The following SIM1 variants were observed in gnomAD, a reference collection of about 807,000 sequenced individuals.
SIM1 encodes the protein single-minded homolog 1.
In SIM1, 18 loss-of-function variants were observed where a neutral mutation model predicts 78.2. That is an observed-to-expected ratio of 0.23 (90% CI 0.16 to 0.34). The LOEUF (loss-of-function observed/expected upper bound fraction) is 0.34, where lower values mean the gene tolerates loss of function less well. SIM1 is among the 10% of genes least tolerant of loss of function. The pLI is 1.00. For synonymous variants in SIM1, 417 were observed against 385.2 expected (o/e 1.08, Z -0.97); for missense variants, 939 against 975.1 (o/e 0.96, Z 0.49).
chr6:100,392,008 A>G (rs1770654273), intron 11 of SIM1, among the ~76,000 whole-genome samples: 1 of 152,116 alleles, frequency 6.6e-6, no homozygotes, highest in Non-Finnish European at 1.5e-5. Context: ...CCCCGTCTCT[A>G]CTAAAAAATA....
chr6:100,387,661 C>T lies in SIM1; in HGVS notation c.*2700G>A, dbSNP rs931343599. On this transcript the variant is annotated 3_prime_UTR_variant, in exon 12 of 12. Coordinates refer to ENST00000369208, the MANE Select transcript of SIM1 (RefSeq NM_005068.3). ...ATGTACTTAAAACTGGGTCAATCTA[C>T]CAAAATTTTGAATCAATATATAATT... 1 of 151,984 alleles carries T rather than the reference C, an allele frequency of 6.6e-6. No individual in the cohort carries two copies. Among genetic ancestry groups the T allele is most frequent in the African/African-American group, 2.4e-5 (1 of 41,420 alleles). 9.4% of individuals were successfully genotyped at this position (151,984 alleles called of 1,614,324 possible).
At chr6:100,447,992 G>A (rs571830579) in intron 8 of SIM1, among the ~76,000 whole-genome samples, 154 bp downstream of exon 8, 3 of 152,298 alleles carry the variant, frequency 2.0e-5, no homozygotes, top group East Asian at 1.9e-4. Context: ...GCCCAGTGTC[G>A]GAGAAGTCCC....
At chr6:100,441,646 A>G (rs995623794) in intron 9 of SIM1, among the ~76,000 whole-genome samples, 5 of 152,244 alleles carry the variant, frequency 3.3e-5, no homozygotes, top group African/African-American at 9.6e-5. Flanking sequence ...GTAAACAACT[A>G]AAATGTTTGC....
chr6:100,448,670 G>A lies in SIM1; in HGVS notation c.552C>T (p.His184=), dbSNP rs771505130. Residue 184 remains histidine (H), a synonymous_variant, in exon 7 of 12, where the codon CAC becomes CAT. Coordinates refer to ENST00000369208, the MANE Select transcript of SIM1 (RefSeq NM_005068.3). ...GLTCGGYKVI[H]CSGYLKIRQY... is the part of the protein sequence containing the mutation. ...GGCGGATCTTCAAGTAGCCGCTGCA[G>A]TGGATGACCTGAGGCAGAGGGATAG... The A allele has an allele frequency of 6.2e-7, 1 of 1,610,828 alleles. No homozygotes were observed. Among genetic ancestry groups the A allele is most frequent in the Admixed American group, 1.7e-5 (1 of 60,024 alleles).
chr6:100,435,116 G>A (rs1326325821), intron 9 of SIM1, among the ~76,000 whole-genome samples: 1 of 152,074 alleles, frequency 6.6e-6, no homozygotes, highest in African/African-American at 2.4e-5. Flanking sequence ...TCAGGATATC[G>A]ACTGGCAATT....
chr6:100,456,864 C>T (rs1283268276), intron 2 of SIM1, among the ~76,000 whole-genome samples: 1 of 152,186 alleles, frequency 6.6e-6, no homozygotes, highest in African/African-American at 2.4e-5. Flanking sequence ...CAAGGATTAC[C>T]TCAATGGACT....
At chr6:100,445,676 C>T (rs1463839214) in intron 9 of SIM1, among the ~76,000 whole-genome samples, 1 of 152,042 alleles carries the variant, frequency 6.6e-6, no homozygotes, top group Non-Finnish European at 1.5e-5. Context: ...TGACTATATA[C>T]CCTGCTGTTT....
intron 10 of SIM1, among the ~76,000 whole-genome samples, chr6:100,409,692 G>T (rs1771144141): frequency 6.6e-6 from 1 of 151,818 alleles, no homozygotes; most frequent in Admixed American, 6.6e-5. Flanking sequence ...TATTAAAACT[G>T]CTTTTGCTGC....
At chr6:100,453,682 T>C (rs1772572365) in intron 3 of SIM1, 80 bp downstream of exon 3, 15 of 1,037,964 alleles carry the variant, frequency 1.4e-5, no homozygotes, top group Non-Finnish European at 2.1e-5. Context: ...TTTTGTTTTC[T>C]GAGAAACTAA....
chr6:100,408,601 G>C (rs1010653003), intron 10 of SIM1, among the ~76,000 whole-genome samples: 1 of 151,882 alleles, frequency 6.6e-6, no homozygotes, highest in Non-Finnish European at 1.5e-5. Context: ...ATACTAATTT[G>C]TTGAGAGTTT....
intron 9 of SIM1, among the ~76,000 whole-genome samples, chr6:100,441,053 G>T (rs1202286593): frequency 6.6e-6 from 1 of 152,148 alleles, no homozygotes; most frequent in African/African-American, 2.4e-5. Flanking sequence ...GTGAGTCAAA[G>T]ATCAAAACCC....
chr6:100,385,669 ATGTGTGTGTGTGTGTGTG>A lies in SIM1; in HGVS notation c.*4674_*4691del, dbSNP rs57211422. The A allele has an allele frequency of 7.0e-6, 1 of 143,322 alleles. No homozygotes were observed. The highest frequency in any genetic ancestry group is 1.5e-5 in the Non-Finnish European group (1 of 66,046). The allele number at this position is 143,322 out of a possible 1,614,324, so 8.9% of individuals were successfully genotyped here. A position where few individuals can be genotyped will look rare whatever the true frequency, so the allele number is the denominator to read the frequency against. On this transcript the variant is annotated 3_prime_UTR_variant, in exon 12 of 12. Transcript: ENST00000369208. Reference sequence around the variant, plus strand: ...TATGTGAACCATCATTTATTTATTTATGTGTGTGTGTGTGTGTGTGTGTGTGTGTGTGTGTGTGTGTTA... The same window carrying A: ...TATGTGAACCATCATTTATTTATTTATGTGTGTGTGTGTGTGTGTGTGTTA...
rs912405331 is a variant in SIM1, at chr6:100,463,531, T to C, written c.-63A>G. The C allele has an allele frequency of 8.9e-6, 13 of 1,468,832 alleles. No individual in the cohort carries two copies. The highest frequency in any genetic ancestry group is 1.2e-5 in the Non-Finnish European group (13 of 1,081,940). The allele number at this position is 1,468,832 out of a possible 1,614,324, so 91.0% of individuals were successfully genotyped here. A position where few individuals can be genotyped will look rare whatever the true frequency, so the allele number is the denominator to read the frequency against. On this transcript the variant is annotated 5_prime_UTR_variant, in exon 2 of 12. Coordinates refer to ENST00000369208, the MANE Select transcript of SIM1 (RefSeq NM_005068.3). ...CCGCAGATTCATCCAAAACCAAAAA[T>C]AAACTTTCAATTAGAGATCATATTT...
At chr6:100,393,995 GGTCTCATT>G in intron 10 of SIM1, 106 bp from the exon 11 acceptor site, 1 of 1,200,666 alleles carries the variant, frequency 8.3e-7, no homozygotes, top group Middle Eastern at 2.3e-4. Flanking sequence ...GCACCCTTAA[GGTCTCATT>G]GTCCTGAGGT....
intron 10 of SIM1, among the ~76,000 whole-genome samples, chr6:100,400,493 G>A (rs1268833174): frequency 6.6e-6 from 1 of 151,902 alleles, no homozygotes; most frequent in East Asian, 1.9e-4. Flanking sequence ...AATAATCCTT[G>A]GGGAAAATAG....
chr6:100,453,946 A>C, intron 2 of SIM1, 102 bp from the exon 3 acceptor site: 1 of 745,552 alleles, frequency 1.3e-6, no homozygotes, highest in Non-Finnish European at 2.2e-6. Context: ...GGCCCCTTTG[A>C]CTGGATACCA....
At chr6:100,453,069 C>T (rs540327683) in intron 3 of SIM1, among the ~76,000 whole-genome samples, 24 of 152,096 alleles carry the variant, frequency 1.6e-4, no homozygotes, top group Non-Finnish European at 3.1e-4. Flanking sequence ...AAAATGCCAC[C>T]GGGGTTTTGC....
In SIM1 at chr6:100,397,437, A is replaced by C. The variant is rs370168243; in HGVS notation, c.1168-3548T>G. On this transcript the variant is annotated intron_variant, in intron 10 of 11. Transcript: ENST00000369208. The stretch of plus-strand genomic sequence containing the variant: ...TCAGTGAAGGAAACATAAACTTCTC[A>C]ACAAATGGTGCTAGAGTAATTGGAC... Among the ~76,000 whole-genome samples the C allele has an allele frequency of 3.9e-5, 6 of 152,320 alleles. No homozygotes were observed. The East Asian group carries it at 9.6e-4, about 24-fold the overall frequency.
At chr6:100,408,344 T>A (rs1771103117) in intron 10 of SIM1, among the ~76,000 whole-genome samples, 1 of 152,076 alleles carries the variant, frequency 6.6e-6, no homozygotes, top group Non-Finnish European at 1.5e-5. Flanking sequence ...GTATGGATTA[T>A]TATAGCTTTG....
Sources: allele counts gnomAD v4.1 joint callset (sites outside exome capture counted in the v4.1 genomes callset), GRCh38; gene constraint gnomAD v4.1.1; transcripts MANE v1.5; gene names NCBI Gene and HGNC (gene_info 2026-07-23, HGNC 2026-07-21).